Variants in GRIN2A observed in about 807,000 individuals in gnomAD.
GRIN2A encodes glutamate receptor ionotropic, NMDA 2A.
GRIN2A carries 22 observed loss-of-function variants against 113.4 expected under a neutral mutation model. The observed-to-expected ratio is 0.19, with a 90% confidence interval of 0.14 to 0.28. GRIN2A has a LOEUF of 0.28. Ranked by LOEUF, GRIN2A falls within the 10% of genes least tolerant of loss-of-function variation. The probability of loss-of-function intolerance (pLI) is 1.00; values close to 1 mark genes in which losing one functional copy is unlikely to be tolerated. For missense variants in GRIN2A, 1,502 were observed against 1,887.0 expected (o/e 0.80, Z 3.78); for synonymous variants, 827 against 738.4 (o/e 1.12, Z -1.94).
At chr16:9,991,048 C>T (rs1239038050) in intron 2 of GRIN2A, among the ~76,000 whole-genome samples, 1 of 151,720 alleles carries the variant, frequency 6.6e-6, no homozygotes, top group Non-Finnish European at 1.5e-5. Context: ...GCCTGGGTGA[C>T]AGGGTGAGAC....
chr16:9,767,542 C>A (rs1596380818), intron 12 of GRIN2A, among the ~76,000 whole-genome samples: 1 of 150,742 alleles, frequency 6.6e-6, no homozygotes, highest in Admixed American at 6.6e-5. Context: ...TTTTTCAAAT[C>A]CTAATTAATG....
intron 2 of GRIN2A, among the ~76,000 whole-genome samples, chr16:10,129,428 G>C (rs1054132163): frequency 2.0e-5 from 3 of 152,112 alleles, no homozygotes; most frequent in Non-Finnish European, 4.4e-5. Context: ...AGCTATAGGA[G>C]AAAATGAAGC....
At chr16:10,142,566 G>A (rs561987387) in intron 2 of GRIN2A, among the ~76,000 whole-genome samples, 7 of 152,252 alleles carry the variant, frequency 4.6e-5, no homozygotes, top group East Asian at 1.9e-4. Context: ...GGTGGTGTGC[G>A]GTGGTGAGTA....
intron 2 of GRIN2A, among the ~76,000 whole-genome samples, chr16:10,089,296 C>T (rs1033592322): frequency 6.6e-6 from 1 of 152,040 alleles, no homozygotes; most frequent in Non-Finnish European, 1.5e-5. Flanking sequence ...ATTCAGTACT[C>T]CTTGATTTTG....
intron 8 of GRIN2A, among the ~76,000 whole-genome samples, chr16:9,831,279 C>T (rs2042487581): frequency 6.6e-6 from 1 of 152,086 alleles, no homozygotes. Context: ...GTGGTTTTTA[C>T]CTTCCAAAAT....
At chr16:9,934,966 C>T (rs1400776744) in intron 3 of GRIN2A, among the ~76,000 whole-genome samples, 4 of 151,928 alleles carry the variant, frequency 2.6e-5, no homozygotes, top group Non-Finnish European at 5.9e-5. Flanking sequence ...TGATGCATTG[C>T]TTCTCTGGGG....
intron 10 of GRIN2A, among the ~76,000 whole-genome samples, chr16:9,815,592 A>G (rs1246636074): frequency 1.3e-5 from 2 of 152,176 alleles, no homozygotes; most frequent in East Asian, 3.8e-4. Flanking sequence ...CCTCATACCC[A>G]GTGGGATGGC....
intron 2 of GRIN2A, among the ~76,000 whole-genome samples, chr16:10,147,956 A>G (rs2049480293): frequency 6.6e-6 from 1 of 152,232 alleles, no homozygotes; most frequent in Non-Finnish European, 1.5e-5. Flanking sequence ...TCAAATCCAC[A>G]GGACAATTCT....
chr16:10,168,761 T>C (rs1241092717), intron 2 of GRIN2A, among the ~76,000 whole-genome samples: 1 of 151,416 alleles, frequency 6.6e-6, no homozygotes, highest in Non-Finnish European at 1.5e-5. Flanking sequence ...AGGTCAGGAG[T>C]TCAAGACCAG....
intron 11 of GRIN2A, among the ~76,000 whole-genome samples, chr16:9,772,213 T>C (rs1228716378): frequency 6.6e-6 from 1 of 152,164 alleles, no homozygotes; most frequent in Non-Finnish European, 1.5e-5. Flanking sequence ...TTTGAAATAA[T>C]ATCTCACTGT....
At chr16:10,131,577 T>C (rs546391120) in intron 2 of GRIN2A, among the ~76,000 whole-genome samples, 1 of 152,112 alleles carries the variant, frequency 6.6e-6, no homozygotes, top group South Asian at 2.1e-4. Context: ...TCAAATGCAT[T>C]GACAAGACTA....
intron 2 of GRIN2A, among the ~76,000 whole-genome samples, chr16:10,139,402 A>G (rs1469842243): frequency 6.6e-6 from 1 of 152,208 alleles, no homozygotes; most frequent in Non-Finnish European, 1.5e-5. Flanking sequence ...GCCTCATTAC[A>G]ATGAAAACAG....
intron 2 of GRIN2A, among the ~76,000 whole-genome samples, chr16:10,137,957 T>A (rs913255367): frequency 3.9e-5 from 6 of 152,190 alleles, no homozygotes; most frequent in Non-Finnish European, 5.9e-5. Context: ...GGCTGTACAG[T>A]CTGGGATGAC....
rs540828362 is a variant in GRIN2A at position 9,756,549 on chromosome 16, T to C, written c.*6600A>G. On this transcript the variant is annotated 3_prime_UTR_variant, in exon 13 of 13. Coordinates refer to ENST00000330684, the MANE Select transcript of GRIN2A (RefSeq NM_001134407.3). ...AGACCAGGCACTTTGAAAATATGTC[T>C]AACGTTAGGGATTTACTAGCTAATT... 3 of 209,390 alleles carry C rather than the reference T, an allele frequency of 1.4e-5. No individual in the cohort carries two copies. Among genetic ancestry groups the C allele is most frequent in the African/African-American group, 6.8e-5 (3 of 44,148 alleles). 13.0% of individuals were successfully genotyped at this position (209,390 alleles called of 1,614,324 possible). A position where few individuals can be genotyped will look rare whatever the true frequency, so the allele number is the denominator to read the frequency against.
rs78449319 is a variant in GRIN2A, at chr16:9,923,696, T to G, written c.1007+14263A>C. On this transcript the variant is annotated intron_variant, in intron 3 of 12. Transcript: ENST00000330684. ...AGTATACCATAAGACCTTCAAATAG[T>G]ATACTTTGATTTCCCTGCTAATCTT... 3.5e-3 allele frequency among the ~76,000 whole-genome samples: 526 copies of G among 152,362 alleles called. 4 individuals carry two copies. Among genetic ancestry groups the G allele is most frequent in the African/African-American group, 0.012 (482 of 41,580 alleles).
chr16:9,805,984 A>G (rs2041958822), intron 10 of GRIN2A, among the ~76,000 whole-genome samples: 1 of 152,216 alleles, frequency 6.6e-6, no homozygotes, highest in Non-Finnish European at 1.5e-5. Context: ...TCACATTTTG[A>G]TTCTGGGTTT....
At chr16:9,778,348 G>A (rs764495454) in intron 11 of GRIN2A, among the ~76,000 whole-genome samples, 2 of 152,120 alleles carry the variant, frequency 1.3e-5, no homozygotes, top group Admixed American at 6.5e-5. Context: ...AAATAAAGAC[G>A]GTCAAGCTGA....
chr16:9,959,915 T>C (rs767488572), intron 2 of GRIN2A, among the ~76,000 whole-genome samples: 62 of 152,250 alleles, frequency 4.1e-4, no homozygotes, highest in Non-Finnish European at 6.5e-4. Context: ...AGAGGTTGCA[T>C]TGAGCCAAAA....
At chr16:10,125,425 A>T (rs189922064) in intron 2 of GRIN2A, among the ~76,000 whole-genome samples, 2 of 152,266 alleles carry the variant, frequency 1.3e-5, no homozygotes, top group Admixed American at 1.3e-4. Flanking sequence ...GAGTAAATAC[A>T]CTAGTGAGTA....
Sources: allele counts gnomAD v4.1 joint callset (sites outside exome capture counted in the v4.1 genomes callset), GRCh38; gene constraint gnomAD v4.1.1; transcripts MANE v1.5; gene names NCBI Gene and HGNC (gene_info 2026-07-23, HGNC 2026-07-21).